Variants in SPINK14 observed in about 807,000 individuals in gnomAD.
SPINK14 encodes serine protease inhibitor Kazal-type 14.
SPINK14 carries 6 observed loss-of-function variants against 14.2 expected under a neutral mutation model. That is an observed-to-expected ratio of 0.42 (90% confidence interval 0.23 to 0.83). The LOEUF (loss-of-function observed/expected upper bound fraction) is 0.83, where lower values mean the gene tolerates loss of function less well. Ranked by LOEUF, SPINK14 falls within the 40% of genes least tolerant of loss-of-function variation. The probability of loss-of-function intolerance (pLI) is 0.28; values close to 1 mark genes in which losing one functional copy is unlikely to be tolerated. For missense variants in SPINK14, 86 were observed against 108.3 expected (o/e 0.79, Z 0.91); for synonymous variants, 34 against 36.8 (o/e 0.92, Z 0.27).
At chr5:148,170,132 T>C (rs1755083121) in intron 2 of SPINK14, among the ~76,000 whole-genome samples, 1 of 146,918 alleles carries the variant, frequency 6.8e-6, no homozygotes, top group Non-Finnish European at 1.5e-5. Context: ...ATACTCAGAG[T>C]ATATATATGT....
intron 2 of SPINK14, among the ~76,000 whole-genome samples, chr5:148,170,138 T>C (rs1042916337): frequency 1.4e-5 from 2 of 148,010 alleles, no homozygotes. Flanking sequence ...AGAGTATATA[T>C]ATGTATACAC....
chr5:148,174,147 G>T lies in SPINK14; in HGVS notation c.112-87G>T. The stretch of plus-strand genomic sequence containing the variant: ...GCATGAGCCACCACGCCTAGACTAT[G>T]CTTAGATTTTTCCTAATAAAGTTCA... On this transcript the variant is annotated intron_variant, in intron 3 of 4. Coordinates refer to ENST00000356972, the MANE Select transcript of SPINK14 (RefSeq NM_001001325.2). The T allele has an allele frequency of 2.5e-6, 2 of 791,334 alleles. 1 individual carries two copies. Among genetic ancestry groups the T allele is most frequent in the Non-Finnish European group, 3.8e-6 (2 of 531,830 alleles). 49.0% of individuals were successfully genotyped at this position (791,334 alleles called of 1,614,324 possible). A position where few individuals can be genotyped will look rare whatever the true frequency, so the allele number is the denominator to read the frequency against.
chr5:148,169,360 T>C (rs772609021), intron 1 of SPINK14, among the ~76,000 whole-genome samples: 3 of 152,052 alleles, frequency 2.0e-5, no homozygotes, highest in East Asian at 1.9e-4. Context: ...AAAAGATAAA[T>C]TTAGGTGAAG....
At chr5:148,175,315 A>G (rs1581130688) in intron 4 of SPINK14, 38 bp from the exon 5 acceptor site, 1 of 1,303,690 alleles carries the variant, frequency 7.7e-7, no homozygotes, top group Non-Finnish European at 1.1e-6. Context: ...CTGACATTGT[A>G]TTACTAAATG....
chr5:148,171,560 A>C (rs1755106082), intron 3 of SPINK14, among the ~76,000 whole-genome samples: 1 of 152,162 alleles, frequency 6.6e-6, no homozygotes, highest in South Asian at 2.1e-4. Flanking sequence ...ATATTTGATA[A>C]GTGAGGGAAA....
At chr5:148,171,437 A>G (rs910224999) in intron 3 of SPINK14, among the ~76,000 whole-genome samples, 2 of 152,198 alleles carry the variant, frequency 1.3e-5, no homozygotes, top group African/African-American at 4.8e-5. Context: ...AGAACAGTAG[A>G]TACCTGAACA....
chr5:148,172,768 G>A (rs1755124036), intron 3 of SPINK14, among the ~76,000 whole-genome samples: 1 of 142,214 alleles, frequency 7.0e-6, no homozygotes, highest in African/African-American at 2.7e-5. Context: ...AGTTTAGGTT[G>A]AGAAAAAATA....
At position 148,170,956 on chromosome 5, in the gene SPINK14, C is replaced by G; in HGVS notation, c.94C>G (p.Pro32Ala). 1 of 1,612,438 alleles carries G rather than the reference C, an allele frequency of 6.2e-7. No homozygotes were observed. Among genetic ancestry groups the G allele is most frequent in the East Asian group, 2.2e-5 (1 of 44,860 alleles). Residue 32 changes from proline (P) to alanine (A), a missense_variant, in exon 3 of 5, where the codon CCA (proline) becomes GCA (alanine). Physicochemically the swap from Pro to Ala is conservative, Grantham distance 27. Coordinates refer to ENST00000356972, the MANE Select transcript of SPINK14 (RefSeq NM_001001325.2). ...TTCAGGCCCTAGACACTGGTGGCCACCACGTGGAATTATTAAGGTAATGTT... is the reference window on the plus strand; with the variant it reads ...TTCAGGCCCTAGACACTGGTGGCCAGCACGTGGAATTATTAAGGTAATGTT... ...SVSGPRHWWP[P>A]RGIIKVKCPY...
At chr5:148,171,689 C>A (rs1755107299) in intron 3 of SPINK14, among the ~76,000 whole-genome samples, 1 of 152,092 alleles carries the variant, frequency 6.6e-6, no homozygotes, top group South Asian at 2.1e-4. Context: ...AATTTTATTT[C>A]TTCTTTGTAA....
At position 148,175,430 on chromosome 5, in the gene SPINK14, T is replaced by TC; in HGVS notation, c.*32_*33insC. ...GGACTTGAATGTGGAAGATATCTTC[T>TC]TTTTTTTTTCCTCCATGTCTCCAAT... is the stretch of plus-strand genomic sequence containing the variant. On this transcript the variant is annotated 3_prime_UTR_variant, in exon 5 of 5. Transcript: ENST00000356972. The TC allele has an allele frequency of 1.5e-6, 2 of 1,366,580 alleles. No homozygotes were observed. Among genetic ancestry groups the TC allele is most frequent in the South Asian group, 1.3e-5 (1 of 78,638 alleles). The allele number at this position is 1,366,580 out of a possible 1,614,324, so 84.7% of individuals were successfully genotyped here. A position where few individuals can be genotyped will look rare whatever the true frequency, so the allele number is the denominator to read the frequency against.
intron 3 of SPINK14, among the ~76,000 whole-genome samples, chr5:148,171,630 CCTTTAG>C (rs1420365148): frequency 6.6e-6 from 1 of 152,076 alleles, no homozygotes; most frequent in Non-Finnish European, 1.5e-5. Flanking sequence ...GTATTCCTTC[CCTTTAG>C]AAGTATTAGC....
At chr5:148,170,789 G>A in intron 2 of SPINK14, 141 bp from the exon 3 acceptor site, 1 of 729,414 alleles carries the variant, frequency 1.4e-6, no homozygotes, top group East Asian at 2.7e-5. Context: ...AAAAATGAAT[G>A]AATACATGTA....
At position 148,170,826 on chromosome 5, in the gene SPINK14, GA is replaced by G; in HGVS notation, c.68-100del. ...AAATGAAATAATGTTTTCCATTGCTGAAAACTTCCTTGATAATAAATTAGAA... is the reference window on the plus strand; with the variant it reads ...AAATGAAATAATGTTTTCCATTGCTGAAACTTCCTTGATAATAAATTAGAA... On this transcript the variant is annotated intron_variant, in intron 2 of 4. Transcript: ENST00000356972. 3.0e-6 allele frequency: 3 copies of G among 1,009,704 alleles called. No individual in the cohort carries two copies. The South Asian group carries it at 4.3e-5, about 15-fold the overall frequency. 62.5% of individuals were successfully genotyped at this position (1,009,704 alleles called of 1,614,324 possible).
chr5:148,172,193 G>A (rs1161527205), intron 3 of SPINK14, among the ~76,000 whole-genome samples: 1 of 152,100 alleles, frequency 6.6e-6, no homozygotes, highest in Non-Finnish European at 1.5e-5. Flanking sequence ...TGTCTGTCAT[G>A]GGGATATCTA....
intron 1 of SPINK14, among the ~76,000 whole-genome samples, chr5:148,169,043 A>G (rs1225887047): frequency 1.3e-5 from 2 of 152,096 alleles, no homozygotes; most frequent in African/African-American, 4.8e-5. Flanking sequence ...TGCTACAAGG[A>G]AAGTCCATCC....
chr5:148,174,142 A>G, intron 3 of SPINK14, 92 bp from the exon 4 acceptor site: 1 of 756,340 alleles, frequency 1.3e-6, no homozygotes, highest in Non-Finnish European at 2.0e-6. Context: ...CCACGCCTAG[A>G]CTATGCTTAG....
chr5:148,170,910 T>C lies in SPINK14; in HGVS notation c.68-20T>C. The C allele has an allele frequency of 1.2e-6, 2 of 1,606,096 alleles. No individual in the cohort carries two copies. The highest frequency in any genetic ancestry group is 2.2e-5 in the South Asian group (2 of 90,738). Reference sequence around the variant, plus strand: ...TTTAACAGGAATTAAATTCTGTAACTATTTTCATGTATTCTCTAGTTTCAG... The same window carrying C: ...TTTAACAGGAATTAAATTCTGTAACCATTTTCATGTATTCTCTAGTTTCAG... On this transcript the variant is annotated intron_variant, in intron 2 of 4. Coordinates refer to ENST00000356972, the MANE Select transcript of SPINK14 (RefSeq NM_001001325.2).
chr5:148,169,151 T>C (rs1222788442), intron 1 of SPINK14, among the ~76,000 whole-genome samples: 1 of 152,118 alleles, frequency 6.6e-6, no homozygotes, highest in Non-Finnish European at 1.5e-5. Flanking sequence ...TTTCTCCCTG[T>C]GAATGTCCTC....
chr5:148,173,044 T>G (rs1755127810), intron 3 of SPINK14, among the ~76,000 whole-genome samples: 1 of 151,994 alleles, frequency 6.6e-6, no homozygotes, highest in Non-Finnish European at 1.5e-5. Context: ...GTTTAAAATA[T>G]GAAACTTCAG....
Sources: gnomAD v4.1 joint callset for allele counts (sites outside exome capture counted in the v4.1 genomes callset) on GRCh38, gnomAD v4.1.1 for gene constraint, MANE v1.5 for transcripts, NCBI Gene and HGNC (gene_info 2026-07-23, HGNC 2026-07-21) for gene names.